Variants in CAMTA1 observed in about 807,000 individuals in gnomAD.
The protein encoded by CAMTA1 is calmodulin-binding transcription activator 1.
Under a neutral mutation model 170.9 loss-of-function variants are expected in CAMTA1, and 27 were observed. The observed-to-expected ratio is 0.16, with a 90% CI of 0.12 to 0.22. CAMTA1 has a LOEUF of 0.22. CAMTA1 is among the 10% of genes least tolerant of loss of function. The probability of loss-of-function intolerance (pLI) is 1.00; values close to 1 mark genes in which losing one functional copy is unlikely to be tolerated. For missense variants in CAMTA1, 1,619 were observed against 2,217.2 expected, an observed-to-expected ratio of 0.73 and a Z score of 5.42; for synonymous variants, 833 against 891.5, an observed-to-expected ratio of 0.93 and a Z score of 1.17.
intron 6 of CAMTA1, among the ~76,000 whole-genome samples, chr1:7,488,879 G>A (rs956176041): frequency 2.0e-5 from 3 of 151,908 alleles, no homozygotes; most frequent in African/African-American, 7.3e-5. Context: ...AATACACATT[G>A]CAGACGTGTA....
In CAMTA1 at chr1:7,547,425, G is replaced by A. The variant is rs752129619; in HGVS notation, c.510+79524G>A. Among the ~76,000 whole-genome samples the A allele has an allele frequency of 2.6e-5, 4 of 151,500 alleles. No individual in the cohort carries two copies. Among genetic ancestry groups the A allele is most frequent in the Non-Finnish European group, 2.9e-5 (2 of 67,952 alleles). On this transcript the variant is annotated intron_variant, in intron 6 of 22. Transcript: ENST00000303635. The surrounding 1 kb of genome is among the most constrained non-coding windows in gnomAD (Gnocchi z 5.7). ...TTCCACATTCATGAGTTTCGCATCC[G>A]TGGATTCAACCAACAACGGGCCAAA...
In CAMTA1 at chr1:6,893,547, C is replaced by T. The variant is rs1571447399; in HGVS notation, c.234+68337C>T. ...GGTAACCACTGATCTGAGATCATCCCTGTTGATTAGGTTTGCAGAATTCTA... is the reference window on the plus strand; with the variant it reads ...GGTAACCACTGATCTGAGATCATCCTTGTTGATTAGGTTTGCAGAATTCTA... On this transcript the variant is annotated intron_variant, in intron 3 of 22. Coordinates refer to ENST00000303635, the MANE Select transcript of CAMTA1 (RefSeq NM_015215.4). Among the ~76,000 whole-genome samples the T allele has an allele frequency of 2.0e-5, 3 of 152,206 alleles. No individual in the cohort carries two copies. In the South Asian group the frequency reaches 6.2e-4, roughly 32 times the overall value.
intron 1 of CAMTA1, among the ~76,000 whole-genome samples, chr1:6,789,575 C>T (rs566718368): frequency 6.6e-6 from 1 of 152,072 alleles, no homozygotes; most frequent in Non-Finnish European, 1.5e-5. Flanking sequence ...CTCTTATTTT[C>T]TTCTGTTCCC....
rs529196827 is a variant in CAMTA1 at position 7,766,597 on chromosome 1, A to G, written c.*106A>G. On this transcript the variant is annotated 3_prime_UTR_variant, in exon 23 of 23. Transcript: ENST00000303635. ...CAACAACACACACGCACACACGCAC[A>G]CACACACACGTACACACACATACAA... 2.0e-5 allele frequency: 19 copies of G among 949,102 alleles called. No homozygotes were observed. In the East Asian group the frequency reaches 2.9e-4, roughly 15 times the overall value. The allele number at this position is 949,102 out of a possible 1,614,324, so 58.8% of individuals were successfully genotyped here. A position where few individuals can be genotyped will look rare whatever the true frequency, so the allele number is the denominator to read the frequency against.
intron 5 of CAMTA1, among the ~76,000 whole-genome samples, chr1:7,276,303 A>ATATATATATT: frequency 2.4e-3 from 59 of 24,226 alleles, no homozygotes; most frequent in African/African-American, 3.0e-3. Flanking sequence ...ATATATATAT[A>ATATATATATT]TTTTTTTTTT....
At chr1:7,278,477 T>C (rs1422520755) in intron 5 of CAMTA1, among the ~76,000 whole-genome samples, 3 of 152,208 alleles carry the variant, frequency 2.0e-5, no homozygotes, top group Non-Finnish European at 4.4e-5. Context: ...TACCCTTTAC[T>C]ACAATAAGTG....
At chr1:6,950,391 A>C (rs957047451) in intron 3 of CAMTA1, among the ~76,000 whole-genome samples, 1 of 152,180 alleles carries the variant, frequency 6.6e-6, no homozygotes, top group Non-Finnish European at 1.5e-5. Flanking sequence ...CAGAGCTGAG[A>C]GCTTTGGGAC....
intron 4 of CAMTA1, among the ~76,000 whole-genome samples, chr1:7,167,062 C>T (rs144654573): frequency 0.015 from 2,271 of 152,234 alleles, 49 homozygotes; most frequent in African/African-American, 0.052. Flanking sequence ...CCACCTGCCT[C>T]GGCCTCCCAA....
intron 5 of CAMTA1, among the ~76,000 whole-genome samples, chr1:7,404,132 C>T (rs949117022): frequency 3.3e-5 from 5 of 152,168 alleles, no homozygotes; most frequent in Non-Finnish European, 7.3e-5. Flanking sequence ...CTGCCCCATC[C>T]GATGTCACAG....
intron 3 of CAMTA1, among the ~76,000 whole-genome samples, chr1:6,942,458 G>C (rs757655179): frequency 6.6e-6 from 1 of 152,044 alleles, no homozygotes; most frequent in Non-Finnish European, 1.5e-5. Flanking sequence ...AGGAGTTCGA[G>C]AGCAGCCTGG....
At chr1:7,709,126 C>CT (rs1469265776) in intron 11 of CAMTA1, among the ~76,000 whole-genome samples, 1 of 152,110 alleles carries the variant, frequency 6.6e-6, no homozygotes, top group Non-Finnish European at 1.5e-5. Flanking sequence ...AATTCTGTCT[C>CT]TTTTTTCCTT....
At chr1:7,301,796 C>T (rs1326299602) in intron 5 of CAMTA1, among the ~76,000 whole-genome samples, 2 of 152,140 alleles carry the variant, frequency 1.3e-5, no homozygotes, top group Non-Finnish European at 2.9e-5. Context: ...TGGCCTCCTG[C>T]TACCCAGCAA....
At chr1:7,022,686 A>G (rs1701529405) in intron 3 of CAMTA1, among the ~76,000 whole-genome samples, 1 of 152,038 alleles carries the variant, frequency 6.6e-6, no homozygotes, top group African/African-American at 2.4e-5. Context: ...AAGGAGGGTT[A>G]CCTATGTCTA....
At chr1:7,628,176 C>G (rs2095646029) in intron 6 of CAMTA1, among the ~76,000 whole-genome samples, 1 of 152,216 alleles carries the variant, frequency 6.6e-6, no homozygotes, top group Non-Finnish European at 1.5e-5. Context: ...GCTCCCTTCT[C>G]CTTCTCCATG....
At chr1:6,994,813 G>A (rs919706741) in intron 3 of CAMTA1, among the ~76,000 whole-genome samples, 21 of 151,866 alleles carry the variant, frequency 1.4e-4, no homozygotes, top group Admixed American at 1.2e-3. Flanking sequence ...GACTACAGGC[G>A]TGCACCACCA....
chr1:6,832,161 G>A (rs546416280), intron 3 of CAMTA1, among the ~76,000 whole-genome samples: 2 of 150,958 alleles, frequency 1.3e-5, no homozygotes, highest in South Asian at 4.2e-4. Context: ...TTGGCTCACT[G>A]CAACCTCCAC....
chr1:7,004,248 T>G (rs115285686), intron 3 of CAMTA1, among the ~76,000 whole-genome samples: 2,985 of 152,230 alleles, frequency 0.02, 79 homozygotes, highest in African/African-American at 0.067. Flanking sequence ...TTTTCTTTTC[T>G]TTTTTTTCCC....
At chr1:7,152,794 G>T (rs2148697733) in intron 4 of CAMTA1, among the ~76,000 whole-genome samples, 1 of 152,314 alleles carries the variant, frequency 6.6e-6, no homozygotes, top group South Asian at 2.1e-4. Flanking sequence ...TGTTTCATTT[G>T]CCCTGATTAA....
chr1:7,383,728 G>T (rs554482361), intron 5 of CAMTA1, among the ~76,000 whole-genome samples: 1 of 152,120 alleles, frequency 6.6e-6, no homozygotes, highest in African/African-American at 2.4e-5. Flanking sequence ...GATGGTGGTG[G>T]TGGTGCTGGT....
Sources: gnomAD v4.1 joint callset for allele counts (sites outside exome capture counted in the v4.1 genomes callset) on GRCh38, gnomAD v4.1.1 for gene constraint, Gnocchi (gnomAD v3.1) non-coding constraint, MANE v1.5 for transcripts, NCBI Gene and HGNC (gene_info 2026-07-23, HGNC 2026-07-21) for gene names.